The following DAB2IP variants were observed in gnomAD, a reference collection of about 807,000 sequenced individuals.
The protein encoded by DAB2IP is disabled homolog 2-interacting protein.
A neutral mutation model predicts 107.2 loss-of-function variants in DAB2IP; 28 were observed. The ratio of observed to expected loss-of-function variants is 0.26; its 90% CI spans 0.19 to 0.36. DAB2IP has a LOEUF of 0.36. Among genes scored for constraint, DAB2IP ranks in the 10% least tolerant of loss-of-function variants. DAB2IP has a pLI of 1.00. For synonymous variants in DAB2IP, 755 were observed against 706.4 expected (o/e 1.07, Z -1.09); for missense variants, 1,400 against 1,644.7 (o/e 0.85, Z 2.57).
At chr9:121,630,536 T>G (rs796335890) in intron 1 of DAB2IP, among the ~76,000 whole-genome samples, 13 of 150,976 alleles carry the variant, frequency 8.6e-5, no homozygotes, top group Admixed American at 2.0e-4. Flanking sequence ...TAAAAAAATT[T>G]TTTTTTTTTT....
intron 3 of DAB2IP, among the ~76,000 whole-genome samples, chr9:121,715,363 T>A (rs1021235194): frequency 1.1e-4 from 16 of 151,702 alleles, no homozygotes; most frequent in African/African-American, 3.1e-4. Context: ...TTTTTTTTTT[T>A]TTGAGACAGA....
chr9:121,766,849 C>A, intron 9 of DAB2IP, 119 bp downstream of exon 9: 1 of 993,036 alleles, frequency 1.0e-6, no homozygotes, highest in Non-Finnish European at 1.5e-6. Flanking sequence ...TGGTTTTGTC[C>A]CTGTCATCCT....
At chr9:121,738,061 G>A (rs1233728777) in intron 3 of DAB2IP, among the ~76,000 whole-genome samples, 3 of 152,138 alleles carry the variant, frequency 2.0e-5, no homozygotes, top group African/African-American at 7.2e-5. Flanking sequence ...GGGCTGGGGG[G>A]AAGCTTTAGG....
At chr9:121,775,183 C>T (rs984523624) in intron 13 of DAB2IP, among the ~76,000 whole-genome samples, 1 of 152,154 alleles carries the variant, frequency 6.6e-6, no homozygotes, top group Admixed American at 6.5e-5. Context: ...GGCCCCAGAA[C>T]GGCAGGCGCT....
intron 3 of DAB2IP, among the ~76,000 whole-genome samples, chr9:121,727,354 G>A (rs970731929): frequency 6.6e-6 from 1 of 152,262 alleles, no homozygotes; most frequent in African/African-American, 2.4e-5. Flanking sequence ...GACAAAAAGT[G>A]TAACCATTTC....
chr9:121,627,660 T>C lies in DAB2IP; in HGVS notation c.41-51018T>C, dbSNP rs181712652. 2.6e-3 allele frequency among the ~76,000 whole-genome samples: 390 copies of C among 152,198 alleles called. 1 individual carries two copies. Among genetic ancestry groups the C allele is most frequent in the African/African-American group, 9.1e-3 (376 of 41,544 alleles). On this transcript the variant is annotated intron_variant, in intron 1 of 16. Coordinates refer to the DAB2IP transcript ENST00000259371. ...GGGCTGGGCTAGGGCTGGGGCAGAGTTGGGGTGGGCCCCTGGCAGCAGAGT... is the reference window on the plus strand; with the variant it reads ...GGGCTGGGCTAGGGCTGGGGCAGAGCTGGGGTGGGCCCCTGGCAGCAGAGT...
In DAB2IP at chr9:121,772,631, G is replaced by A. The variant is rs759534596; in HGVS notation, c.2103G>A (p.Pro701=). The A allele has an allele frequency of 1.1e-5, 17 of 1,613,562 alleles. No individual in the cohort carries two copies. Among genetic ancestry groups the A allele is most frequent in the African/African-American group, 5.3e-5 (4 of 74,894 alleles). Residue 701 remains proline, a synonymous_variant, in exon 12 of 16, where the codon CCG becomes CCA. Coordinates refer to ENST00000408936, the Ensembl canonical transcript of DAB2IP. The surrounding 1 kb of genome is among the most constrained non-coding windows in gnomAD (Gnocchi z 4.7). ...GTCTGATAGATTTCACCCGGTTACC[G>A]TCTCCAACCCCCGAAAACAAGGACT... is the stretch of plus-strand genomic sequence containing the variant.
chr9:121,645,544 C>T (rs1344395462), intron 1 of DAB2IP, among the ~76,000 whole-genome samples: 1 of 152,222 alleles, frequency 6.6e-6, no homozygotes, highest in South Asian at 2.1e-4. Flanking sequence ...GGGTGAGTCG[C>T]TCCCTCCCTT....
At chr9:121,581,389 G>T (rs1830191840) in intron 1 of DAB2IP, among the ~76,000 whole-genome samples, 1 of 152,196 alleles carries the variant, frequency 6.6e-6, no homozygotes, top group South Asian at 2.1e-4. Context: ...GCAGGAGGAG[G>T]GCAGCTCTGA....
chr9:121,663,507 C>T (rs374114134), intron 1 of DAB2IP, among the ~76,000 whole-genome samples: 17 of 152,276 alleles, frequency 1.1e-4, no homozygotes, highest in Non-Finnish European at 2.2e-4. Flanking sequence ...GAGCCCTCTA[C>T]AGTTGTCCCC....
intron 8 of DAB2IP, among the ~76,000 whole-genome samples, chr9:121,764,474 G>T (rs1450227679): frequency 6.6e-6 from 1 of 152,256 alleles, no homozygotes; most frequent in Non-Finnish European, 1.5e-5. Context: ...GAAACTTGCG[G>T]TAAGGCCGAC....
intron 2 of DAB2IP, 76 bp downstream of exon 2, chr9:121,678,857 C>G: frequency 7.6e-7 from 1 of 1,316,482 alleles, no homozygotes; most frequent in African/African-American, 1.5e-5. Context: ...CTCTGTGACC[C>G]CACGGCCCCC....
intron 3 of DAB2IP, among the ~76,000 whole-genome samples, chr9:121,718,074 T>A (rs1398271319): frequency 6.6e-6 from 1 of 152,190 alleles, no homozygotes; most frequent in Non-Finnish European, 1.5e-5. Context: ...GGGGAGGCCC[T>A]GGATGGACAT....
intron 2 of DAB2IP, among the ~76,000 whole-genome samples, chr9:121,690,643 T>C (rs1013934831): frequency 1.3e-5 from 2 of 152,214 alleles, no homozygotes; most frequent in African/African-American, 4.8e-5. Context: ...GCCCGCCTAA[T>C]CCTGGGCACT....
intron 3 of DAB2IP, among the ~76,000 whole-genome samples, chr9:121,755,373 G>T (rs768514715): frequency 2.3e-4 from 35 of 152,252 alleles, no homozygotes; most frequent in Non-Finnish European, 4.6e-4. Flanking sequence ...GGAAGCCCCA[G>T]GTGGGAGTCC....
In DAB2IP at chr9:121,778,286, T is replaced by C. The variant is rs146329454; in HGVS notation, c.3314+1895T>C. On this transcript the variant is annotated intron_variant, in intron 14 of 15. Coordinates refer to ENST00000408936, the Ensembl canonical transcript of DAB2IP. ...AATCACCTCTCAAAACCCCTACCTA[T>C]TAAGATAATCAATCACCTTGGGGGT... is the stretch of plus-strand genomic sequence containing the variant. Among the ~76,000 whole-genome samples the C allele has an allele frequency of 1.3e-4, 20 of 152,292 alleles. No individual in the cohort carries two copies. The East Asian group carries it at 3.3e-3, about 25-fold the overall frequency.
chr9:121,642,029 C>CTTTCTTTCCTTCTTTCTTTCTT, intron 1 of DAB2IP, among the ~76,000 whole-genome samples: 1 of 26,728 alleles, frequency 3.7e-5, no homozygotes, highest in African/African-American at 1.3e-4. Context: ...CTCTCTCTCT[C>CTTTCTTTCCTTCTTTCTTTCTT]TCTTTCTTTC....
intron 3 of DAB2IP, among the ~76,000 whole-genome samples, chr9:121,749,497 G>A (rs1302758228): frequency 6.6e-6 from 1 of 152,220 alleles, no homozygotes; most frequent in East Asian, 1.9e-4. Context: ...CACCAACTCT[G>A]TGGAGACAAA....
intron 2 of DAB2IP, among the ~76,000 whole-genome samples, chr9:121,688,194 A>G (rs1202976749): frequency 6.6e-6 from 1 of 152,190 alleles, no homozygotes; most frequent in Non-Finnish European, 1.5e-5. Flanking sequence ...TCATGCTACA[A>G]AAATGAAACG....
Sources: allele counts gnomAD v4.1 joint callset (sites outside exome capture counted in the v4.1 genomes callset), GRCh38; gene constraint gnomAD v4.1.1; non-coding constraint Gnocchi (gnomAD v3.1); transcripts MANE v1.5; gene names NCBI Gene and HGNC (gene_info 2026-07-23, HGNC 2026-07-21).